PLET1: variants seen among roughly 807,000 people sequenced by gnomAD.
PLET1 encodes the protein placenta-expressed transcript 1 protein.
In PLET1, 20 loss-of-function variants were observed where a neutral mutation model predicts 18.5. The observed-to-expected ratio is 1.08, with a 90% confidence interval of 0.76 to 1.57. PLET1 has a LOEUF of 1.57. Ranked by LOEUF, PLET1 falls within the 40% of genes most tolerant of loss-of-function variation. The pLI is 0.00. For synonymous variants in PLET1, 93 were observed against 93.8 expected, an observed-to-expected ratio of 0.99 and a Z score of 0.05; for missense variants, 256 against 246.4, an observed-to-expected ratio of 1.04 and a Z score of -0.26.
rs1860137383 is a variant in PLET1, at chr11:112,249,963, T to TG, written c.449-990_449-989insC. Among the ~76,000 whole-genome samples, 3 of 105,494 alleles carry TG rather than the reference T, an allele frequency of 2.8e-5. No homozygotes were observed. The South Asian group carries it at 1.0e-3, about 36-fold the overall frequency. The allele number at this position is 105,494 out of a possible 152,430, so 69.2% of individuals were successfully genotyped here. On this transcript the variant is annotated intron_variant, in intron 3 of 3. Coordinates refer to ENST00000338832, the MANE Select transcript of PLET1 (RefSeq NM_001145024.1). ...GAAAGTGAGACTCTGTCTCAAAAAT[T>TG]AAAAAAAAAAAAAAAAAAAAAGGAA...
At chr11:112,253,513 T>C (rs1468863398) in intron 2 of PLET1, among the ~76,000 whole-genome samples, 1 of 152,170 alleles carries the variant, frequency 6.6e-6, no homozygotes, top group African/African-American at 2.4e-5. Flanking sequence ...ATGCTGTCAG[T>C]GGGATTGGGC....
At chr11:112,249,983 AAG>A (rs1860137945) in intron 3 of PLET1, among the ~76,000 whole-genome samples, 1 of 147,662 alleles carries the variant, frequency 6.8e-6, no homozygotes, top group Non-Finnish European at 1.5e-5. Context: ...AAAAAAAAAA[AAG>A]GAAAAGGAAG....
intron 2 of PLET1, among the ~76,000 whole-genome samples, chr11:112,252,659 T>TG (rs764363460): frequency 4.4e-4 from 67 of 152,300 alleles, no homozygotes; most frequent in Non-Finnish European, 9.0e-4. Context: ...GCCCACAGGC[T>TG]GGTACACATA....
Position 112,252,331 on chromosome 11 carries a change from G to T in PLET1, c.448+17C>A. 1 of 1,545,012 alleles carries T rather than the reference G, an allele frequency of 6.5e-7. No homozygotes were observed. Among genetic ancestry groups the T allele is most frequent in the Non-Finnish European group, 8.8e-7 (1 of 1,140,958 alleles). On this transcript the variant is annotated intron_variant, in intron 3 of 3. Transcript: ENST00000338832. Reference sequence around the variant, plus strand: ...AGTTCATTGCAAGACTTGCAAATGGGCTGCAAAGGAACTCACGTTTTTCTC... The same window carrying T: ...AGTTCATTGCAAGACTTGCAAATGGTCTGCAAAGGAACTCACGTTTTTCTC...
At chr11:112,249,306 A>G (rs1860131691) in intron 3 of PLET1, among the ~76,000 whole-genome samples, 1 of 152,172 alleles carries the variant, frequency 6.6e-6, no homozygotes, top group African/African-American at 2.4e-5. Flanking sequence ...TCCTGAATGT[A>G]ATCTTGTCTT....
rs1270066240 is a variant in PLET1 at position 112,248,872 on chromosome 11, T to C, written c.551A>G (p.Gln184Arg). ...KSIRLEGLANQVFSSPITEAI... is the reference protein window; with the variant it reads ...KSIRLEGLANRVFSSPITEAI... Reference sequence around the variant, plus strand: ...CTCTGTGATGGGGCTGCTGAAGACTTGGTTGGCCAAGCCTTCGAGTCTGAT... The same window carrying C: ...CTCTGTGATGGGGCTGCTGAAGACTCGGTTGGCCAAGCCTTCGAGTCTGAT... Residue 184 changes from glutamine (Q) to arginine (R), a missense_variant, in exon 4 of 4, where the codon CAA becomes CGA. By Grantham distance (43) the Gln-to-Arg change is conservative. Coordinates refer to ENST00000338832, the MANE Select transcript of PLET1 (RefSeq NM_001145024.1). The C allele has an allele frequency of 5.2e-6, 8 of 1,551,462 alleles. No individual in the cohort carries two copies. The highest frequency in any genetic ancestry group is 7.0e-6 in the Non-Finnish European group (8 of 1,146,960).
intron 1 of PLET1, among the ~76,000 whole-genome samples, chr11:112,259,320 C>A (rs1860260996): frequency 6.6e-6 from 1 of 152,214 alleles, no homozygotes; most frequent in Non-Finnish European, 1.5e-5. Flanking sequence ...AGTCACTTAG[C>A]ATCTCTGTCT....
intron 1 of PLET1, among the ~76,000 whole-genome samples, chr11:112,257,299 A>G (rs1250919413): frequency 1.3e-5 from 2 of 150,658 alleles, no homozygotes; most frequent in Admixed American, 1.3e-4. Flanking sequence ...CATACATCAC[A>G]TACCCTCTTC....
intron 3 of PLET1, among the ~76,000 whole-genome samples, chr11:112,249,192 A>G (rs994586364): frequency 1.1e-4 from 17 of 152,202 alleles, no homozygotes; most frequent in African/African-American, 3.9e-4. Context: ...AAAATAAGGA[A>G]GAAACACTTT....
At chr11:112,259,119 C>T (rs1363398200) in intron 1 of PLET1, among the ~76,000 whole-genome samples, 1 of 152,222 alleles carries the variant, frequency 6.6e-6, no homozygotes, top group Non-Finnish European at 1.5e-5. Context: ...TTTAACTTCT[C>T]TGTGCCTCAG....
At chr11:112,250,235 TTTTTTTTTTTC>T (rs1391668806) in intron 3 of PLET1, among the ~76,000 whole-genome samples, 16 of 142,850 alleles carry the variant, frequency 1.1e-4, no homozygotes, top group Middle Eastern at 3.6e-3. Context: ...TTTTTTTTTT[TTTTTTTTTTTC>T]CTTTTTGGCA....
At chr11:112,254,537 ATGTG>A (rs57237248) in intron 2 of PLET1, among the ~76,000 whole-genome samples, 7 of 76,350 alleles carry the variant, frequency 9.2e-5, no homozygotes, top group East Asian at 4.9e-4. Flanking sequence ...TGTGTGTGGT[ATGTG>A]TGTGTGTGTG....
chr11:112,258,625 C>T (rs1291869851), intron 1 of PLET1, among the ~76,000 whole-genome samples: 1 of 152,138 alleles, frequency 6.6e-6, no homozygotes, highest in African/African-American at 2.4e-5. Flanking sequence ...AAATCTTTCA[C>T]CTGGAGAGGT....
chr11:112,251,283 TAA>T (rs11317998), intron 3 of PLET1, among the ~76,000 whole-genome samples: 527 of 147,754 alleles, frequency 3.6e-3, no homozygotes, highest in African/African-American at 5.8e-3. Context: ...TTTTGTAAAT[TAA>T]AAAAAAAAAA....
chr11:112,255,360 C>G lies in PLET1; in HGVS notation c.386+28G>C, dbSNP rs577497150. ...TAAACCCAATATGAAAATTTTAAAG[C>G]CCAAAGCAAAGCAAGCTAGGTTCTT... On this transcript the variant is annotated intron_variant, in intron 2 of 3. Coordinates refer to ENST00000338832, the MANE Select transcript of PLET1 (RefSeq NM_001145024.1). The G allele has an allele frequency of 5.2e-4, 806 of 1,548,916 alleles. 3 individuals are homozygous for G. The highest frequency in any genetic ancestry group is 6.6e-4 in the Non-Finnish European group (759 of 1,144,358).
intron 3 of PLET1, among the ~76,000 whole-genome samples, chr11:112,249,536 C>T (rs2135415616): frequency 6.6e-6 from 1 of 152,280 alleles, no homozygotes; most frequent in Non-Finnish European, 1.5e-5. Flanking sequence ...CCTGATCACA[C>T]ATTGGTTCTC....
In PLET1 at chr11:112,260,823, G is replaced by A. The variant is rs748721224; in HGVS notation, c.-234C>T. 7.8e-6 allele frequency: 4 copies of A among 510,870 alleles called. No homozygotes were observed. Among genetic ancestry groups the A allele is most frequent in the Non-Finnish European group, 1.4e-5 (4 of 288,710 alleles). The allele number at this position is 510,870 out of a possible 1,614,324, so 31.6% of individuals were successfully genotyped here. A position where few individuals can be genotyped will look rare whatever the true frequency, so the allele number is the denominator to read the frequency against. On this transcript the variant is annotated 5_prime_UTR_variant, in exon 1 of 4. Transcript: ENST00000338832. Reference sequence around the variant, plus strand: ...AAATTGCAGTTTTGCTCAAGAAAGGGAATGTCCTGAATATGGTTTTCTTTT... The same window carrying A: ...AAATTGCAGTTTTGCTCAAGAAAGGAAATGTCCTGAATATGGTTTTCTTTT...
intron 1 of PLET1, among the ~76,000 whole-genome samples, chr11:112,259,021 T>C (rs1381814770): frequency 6.6e-6 from 1 of 152,256 alleles, no homozygotes; most frequent in Non-Finnish European, 1.5e-5. Context: ...GTTCTGAAGC[T>C]GGACAGCTGG....
intron 2 of PLET1, among the ~76,000 whole-genome samples, chr11:112,255,054 GTA>G (rs1205985337): frequency 0.046 from 5,103 of 110,022 alleles, 215 homozygotes; most frequent in African/African-American, 0.13. Context: ...GGTGCGTGTG[GTA>G]TGTGTGTGTG....
Sources: gnomAD v4.1 joint callset for allele counts (sites outside exome capture counted in the v4.1 genomes callset) on GRCh38, gnomAD v4.1.1 for gene constraint, MANE v1.5 for transcripts, NCBI Gene and HGNC (gene_info 2026-07-23, HGNC 2026-07-21) for gene names.